The following CCDC91 variants were observed in gnomAD, a reference collection of about 807,000 sequenced individuals.
The protein encoded by CCDC91 is coiled-coil domain-containing protein 91.
CCDC91 carries 48 observed loss-of-function variants against 63.2 expected under a neutral mutation model. The ratio of observed to expected loss-of-function variants is 0.76; its 90% CI spans 0.60 to 0.97. The LOEUF (loss-of-function observed/expected upper bound fraction) is 0.97. Among genes scored for constraint, CCDC91 ranks in the 50% least tolerant of loss-of-function variants. The probability of loss-of-function intolerance (pLI) is 0.00; values close to 1 mark genes in which losing one functional copy is unlikely to be tolerated. For missense variants in CCDC91, 500 were observed against 494.6 expected, an observed-to-expected ratio of 1.01 and a Z score of -0.10; for synonymous variants, 167 against 165.8, an observed-to-expected ratio of 1.01 and a Z score of -0.06.
At chr12:28,548,293 A>G (rs1409306419) in intron 12 of CCDC91, among the ~76,000 whole-genome samples, 2 of 152,090 alleles carry the variant, frequency 1.3e-5, no homozygotes, top group Non-Finnish European at 2.9e-5. Context: ...TTTTTAAAAC[A>G]GAGTCTCACT....
intron 6 of CCDC91, among the ~76,000 whole-genome samples, chr12:28,313,694 G>A (rs1300040628): frequency 6.6e-6 from 1 of 152,052 alleles, no homozygotes; most frequent in East Asian, 1.9e-4. Flanking sequence ...AATAAATACT[G>A]TGAACTCTAT....
rs1327920234 is a variant in CCDC91 at position 28,407,844 on chromosome 12, A to T, written c.762+16433A>T. On this transcript the variant is annotated intron_variant, in intron 8 of 12. Transcript: ENST00000536442. ...TATCTCTGACTAGTTCATATTTTTC[A>T]ATGTTAGTTTAACTTTTATAGTTTT... Among the ~76,000 whole-genome samples, 4 of 151,790 alleles carry T rather than the reference A, an allele frequency of 2.6e-5. No homozygotes were observed. In the East Asian group the frequency reaches 7.7e-4, roughly 29 times the overall value.
At chr12:28,433,522 T>G (rs1452160866) in intron 8 of CCDC91, among the ~76,000 whole-genome samples, 5 of 152,008 alleles carry the variant, frequency 3.3e-5, no homozygotes, top group Admixed American at 3.3e-4. Context: ...ATCAGTTGAC[T>G]ATATGCAGTT....
At chr12:28,284,711 AAAT>A (rs1948809970) in intron 3 of CCDC91, among the ~76,000 whole-genome samples, 3 of 152,096 alleles carry the variant, frequency 2.0e-5, no homozygotes, top group Non-Finnish European at 4.4e-5. Flanking sequence ...CCATCTCCTT[AAAT>A]ACGACCAGAT....
At chr12:28,446,798 G>T (rs1949524302) in intron 8 of CCDC91, among the ~76,000 whole-genome samples, 1 of 152,134 alleles carries the variant, frequency 6.6e-6, no homozygotes, top group Non-Finnish European at 1.5e-5. Flanking sequence ...ATAAGAGAGA[G>T]AAAAGAACCA....
chr12:28,363,372 CTCT>C (rs1476265659), intron 7 of CCDC91, among the ~76,000 whole-genome samples: 2 of 152,020 alleles, frequency 1.3e-5, no homozygotes, highest in African/African-American at 4.8e-5. Context: ...ATTTTTGTTA[CTCT>C]TCTTTAGTTT....
At chr12:28,368,830 AAGAGAGAG>A (rs140061205) in intron 7 of CCDC91, among the ~76,000 whole-genome samples, 3 of 148,630 alleles carry the variant, frequency 2.0e-5, no homozygotes, top group Non-Finnish European at 4.5e-5. Flanking sequence ...GAGAGAGAGA[AAGAGAGAG>A]AGAGAGAGAG....
intron 8 of CCDC91, among the ~76,000 whole-genome samples, chr12:28,396,630 T>C (rs1458156110): frequency 2.2e-5 from 3 of 135,864 alleles, no homozygotes; most frequent in African/African-American, 8.1e-5. Context: ...AGATGCTCAT[T>C]GATAAAGGAG....
chr12:28,440,295 A>G (rs931633938), intron 8 of CCDC91, among the ~76,000 whole-genome samples: 3 of 152,208 alleles, frequency 2.0e-5, no homozygotes, highest in Non-Finnish European at 4.4e-5. Context: ...CTCACTAGGT[A>G]TGATGGTAAG....
intron 12 of CCDC91, among the ~76,000 whole-genome samples, chr12:28,543,894 T>C (rs1241758425): frequency 1.3e-5 from 2 of 151,976 alleles, no homozygotes; most frequent in Admixed American, 1.3e-4. Context: ...TTCCAATCCA[T>C]CAGCAACTCA....
intron 7 of CCDC91, among the ~76,000 whole-genome samples, chr12:28,370,504 C>T (rs1944549714): frequency 6.6e-6 from 1 of 152,226 alleles, no homozygotes; most frequent in Non-Finnish European, 1.5e-5. Flanking sequence ...TTCAACAAGT[C>T]TCCAGGAAGT....
At chr12:28,274,341 C>T (rs1309239931) in intron 3 of CCDC91, among the ~76,000 whole-genome samples, 40 of 151,946 alleles carry the variant, frequency 2.6e-4, no homozygotes, top group African/African-American at 3.1e-4. Flanking sequence ...TTTGGTTCCA[C>T]ATGAACTTTA....
At chr12:28,472,566 CATG>C (rs1481028442) in intron 11 of CCDC91, among the ~76,000 whole-genome samples, 1 of 152,124 alleles carries the variant, frequency 6.6e-6, no homozygotes, top group Admixed American at 6.5e-5. Context: ...TTATACCTAT[CATG>C]AAAATTGGTC....
chr12:28,304,635 C>G, intron 3 of CCDC91: 2 of 1,263,406 alleles, frequency 1.6e-6, no homozygotes, highest in African/African-American at 3.1e-5. Context: ...GGGAAACATG[C>G]AATTTTCATT....
intron 12 of CCDC91, among the ~76,000 whole-genome samples, chr12:28,530,310 A>G (rs576684791): frequency 2.6e-5 from 4 of 152,330 alleles, no homozygotes; most frequent in African/African-American, 9.6e-5. Flanking sequence ...GAGGATCCAT[A>G]TGGGATGGTC....
rs1390199189 is a variant in CCDC91 at position 28,434,600 on chromosome 12, T to G, written c.763-15561T>G. Among the ~76,000 whole-genome samples, 7 of 130,956 alleles carry G rather than the reference T, an allele frequency of 5.3e-5. No homozygotes were observed. The East Asian group carries it at 1.4e-3, about 26-fold the overall frequency. 85.9% of individuals were successfully genotyped at this position (130,956 alleles called of 152,430 possible). The stretch of plus-strand genomic sequence containing the variant: ...GGCCTTAGGCCTTGGTCTGGTTTTT[T>G]TTTTTTTTTTTTTTTTTTTGATTGG... On this transcript the variant is annotated intron_variant, in intron 8 of 12. Transcript: ENST00000536442.
At chr12:28,344,134 T>A (rs1161239193) in intron 6 of CCDC91, among the ~76,000 whole-genome samples, 1 of 152,056 alleles carries the variant, frequency 6.6e-6, no homozygotes, top group African/African-American at 2.4e-5. Context: ...ATACTTGTAA[T>A]AAGAAATCAA....
chr12:28,259,894 A>G (rs1007670781), intron 3 of CCDC91, among the ~76,000 whole-genome samples: 1 of 152,006 alleles, frequency 6.6e-6, no homozygotes, highest in Non-Finnish European at 1.5e-5. Context: ...AAATAAATCC[A>G]TTATTGACAG....
intron 8 of CCDC91, among the ~76,000 whole-genome samples, chr12:28,426,401 A>G (rs1299135602): frequency 6.6e-6 from 1 of 152,176 alleles, no homozygotes; most frequent in Non-Finnish European, 1.5e-5. Context: ...ATTACTTGAA[A>G]TAGTTCTGCT....
Sources: gnomAD v4.1 joint callset for allele counts (sites outside exome capture counted in the v4.1 genomes callset) on GRCh38, gnomAD v4.1.1 for gene constraint, MANE v1.5 for transcripts, NCBI Gene and HGNC (gene_info 2026-07-23, HGNC 2026-07-21) for gene names.